The following LDHA variants were observed in gnomAD, a reference collection of about 807,000 sequenced individuals.
The protein encoded by LDHA is lactate dehydrogenase A.
LDHA carries 10 observed loss-of-function variants against 36.3 expected under a neutral mutation model. The ratio of observed to expected loss-of-function variants is 0.28; its 90% confidence interval spans 0.17 to 0.47. The LOEUF (loss-of-function observed/expected upper bound fraction) is 0.47. Ranked by LOEUF, LDHA falls within the 20% of genes least tolerant of loss-of-function variation. The pLI, the probability that LDHA is intolerant of heterozygous loss-of-function variation, is 0.99. For missense variants in LDHA, 267 were observed against 405.8 expected (o/e 0.66, Z 2.94); for synonymous variants, 110 against 136.7 (o/e 0.80, Z 1.36).
Position 18,396,551 on chromosome 11 carries a change from G to A in LDHA, c.-24-268G>A. ...CACTTGGGGTTAATAAACCGCGATG[G>A]GTGAACCCTCAGGAGGCTATACTTA... On this transcript the variant is annotated intron_variant, in intron 1 of 7. Coordinates refer to ENST00000422447, the MANE Select transcript of LDHA (RefSeq NM_005566.4). The A allele has an allele frequency of 2.2e-6, 3 of 1,343,368 alleles. 1 individual carries two copies. The highest frequency in any genetic ancestry group is 7.2e-5 in the Admixed American group (2 of 27,680). 83.2% of individuals were successfully genotyped at this position (1,343,368 alleles called of 1,614,324 possible). A position where few individuals can be genotyped will look rare whatever the true frequency, so the allele number is the denominator to read the frequency against.
intron 1 of LDHA, chr11:18,394,873 G>C: frequency 2.8e-6 from 1 of 353,160 alleles, no homozygotes; most frequent in Non-Finnish European, 5.6e-6. Flanking sequence ...TGGCCACGCT[G>C]GGGAACCGAG....
intron 1 of LDHA, 91 bp downstream of exon 1, chr11:18,394,727 G>T (rs1191899150): frequency 1.8e-5 from 8 of 447,744 alleles, no homozygotes; most frequent in Admixed American, 2.4e-5. Flanking sequence ...GCTCGCGAAG[G>T]GATTCCTGCT....
chr11:18,406,122 C>T (rs914167763), intron 7 of LDHA, among the ~76,000 whole-genome samples: 4 of 152,098 alleles, frequency 2.6e-5, no homozygotes, highest in East Asian at 1.9e-4. Flanking sequence ...CGTGCCACCA[C>T]GCCCGGCTAC....
chr11:18,401,955 CTTT>C (rs1554961218), intron 4 of LDHA, among the ~76,000 whole-genome samples: 7 of 52,256 alleles, frequency 1.3e-4, no homozygotes, highest in African/African-American at 1.8e-4. Context: ...TTGTTATTCT[CTTT>C]TTTTTTTTTT....
chr11:18,403,927 GT>G (rs1012461230), intron 6 of LDHA, 116 bp downstream of exon 6: 3 of 728,240 alleles, frequency 4.1e-6, no homozygotes, highest in Middle Eastern at 3.0e-4. Flanking sequence ...AACTTGTGTG[GT>G]TTTTTTGTTT....
intron 2 of LDHA, among the ~76,000 whole-genome samples, chr11:18,397,621 C>A (rs765920362): frequency 7.9e-5 from 12 of 152,048 alleles, no homozygotes; most frequent in Non-Finnish European, 1.3e-4. Flanking sequence ...ACCATCCTGG[C>A]TAACACGATG....
At chr11:18,396,259 T>C (rs778636606) in intron 1 of LDHA, 7 of 342,094 alleles carry the variant, frequency 2.0e-5, no homozygotes, top group African/African-American at 2.1e-5. Context: ...CCGCCCATCT[T>C]CCGGACTTGG....
At chr11:18,395,705 G>C (rs1866269812) in intron 1 of LDHA, among the ~76,000 whole-genome samples, 1 of 152,214 alleles carries the variant, frequency 6.6e-6, no homozygotes, top group Non-Finnish European at 1.5e-5. Flanking sequence ...TGGGGATGCA[G>C]CCTGTGATAT....
rs1178937061 is a variant in LDHA, at chr11:18,407,751, C to T, written c.*470C>T. ...TTTTGTGAACTATATCAGTAGTGTA[C>T]ATTACCATATAATGTAAAAAGATCT... On this transcript the variant is annotated 3_prime_UTR_variant, in exon 8 of 8. Coordinates refer to ENST00000422447, the MANE Select transcript of LDHA (RefSeq NM_005566.4). 2.2e-6 allele frequency: 1 copy of T among 463,510 alleles called. No individual in the cohort carries two copies. The highest frequency in any genetic ancestry group is 4.3e-6 in the Non-Finnish European group (1 of 233,376). 28.7% of individuals were successfully genotyped at this position (463,510 alleles called of 1,614,324 possible).
intron 1 of LDHA, chr11:18,396,562 AG>A: frequency 7.3e-7 from 1 of 1,366,076 alleles, no homozygotes. Context: ...GTGAACCCTC[AG>A]GAGGCTATAC....
chr11:18,402,959 G>T lies in LDHA; in HGVS notation c.538G>T (p.Val180Phe), dbSNP rs200586792. ...FRYLMGERLG[V>F]HPLSCHGWVL... The stretch of plus-strand genomic sequence containing the variant: ...TTACCTAATGGGGGAAAGGCTGGGA[G>T]TTCACCCATTAAGCTGTCATGGGTG... The change falls in exon 5 of 8, where the codon GTT (valine) becomes TTT (phenylalanine). Residue 180 changes from valine to phenylalanine, a missense_variant. Physicochemically the swap from Val to Phe is conservative, Grantham distance 50. Transcript: ENST00000422447. The T allele has an allele frequency of 6.2e-7, 1 of 1,612,478 alleles. No homozygotes were observed. The highest frequency in any genetic ancestry group is 8.5e-7 in the Non-Finnish European group (1 of 1,178,478).
chr11:18,407,090 ATT>A, intron 7 of LDHA, 25 bp from the exon 8 acceptor site: 4 of 1,452,524 alleles, frequency 2.8e-6, no homozygotes, highest in African/African-American at 1.4e-5. Context: ...AAAATGTGAG[ATT>A]TTTTTTTTTT....
At chr11:18,403,050 A>G (rs1866560909) in intron 5 of LDHA, 37 bp downstream of exon 5, 2 of 1,568,930 alleles carry the variant, frequency 1.3e-6, no homozygotes, top group Non-Finnish European at 1.8e-6. Flanking sequence ...TTTTGAAAAG[A>G]TTATATAAAA....
In LDHA at chr11:18,399,467, G is replaced by A. The variant is rs144856598; in HGVS notation, c.163G>A (p.Glu55Lys). ...ADELALVDVI[E>K]DKLKGEMMDL... is the part of the protein sequence containing the mutation. ...TGAACTTGCTCTTGTTGATGTCATC[G>A]AAGACAAATTGAAGGGAGAGATGAT... Residue 55 changes from glutamate to lysine, a missense_variant, in exon 3 of 8, where the codon GAA becomes AAA. Coordinates refer to ENST00000422447, the MANE Select transcript of LDHA (RefSeq NM_005566.4). The A allele has an allele frequency of 6.2e-6, 10 of 1,613,398 alleles. No homozygotes were observed. The Admixed American group carries it at 1.0e-4, about 16-fold the overall frequency.
intron 3 of LDHA, chr11:18,400,621 T>C (rs1866451101): frequency 3.2e-6 from 2 of 629,702 alleles, no homozygotes; most frequent in African/African-American, 1.8e-5. Flanking sequence ...TAAACTTGAT[T>C]TCCTCCAGCT....
At chr11:18,394,745 G>A in intron 1 of LDHA, 109 bp downstream of exon 1, 1 of 442,472 alleles carries the variant, frequency 2.3e-6, no homozygotes, top group Non-Finnish European at 4.6e-6. Context: ...GCTCCCGGGA[G>A]GTGTAGGAGC....
intron 2 of LDHA, 133 bp from the exon 3 acceptor site, chr11:18,399,298 C>G: frequency 2.8e-6 from 2 of 705,368 alleles, no homozygotes. Context: ...GTGCCCTCTA[C>G]TTTGAATATC....
At chr11:18,400,426 CCACCACACACACACA>C (rs1294437716) in intron 3 of LDHA, 35 of 238,852 alleles carry the variant, frequency 1.5e-4, no homozygotes, top group African/African-American at 2.3e-4. Context: ...CCTACCACCA[CCACCACACACACACA>C]CACACACACA....
In LDHA at chr11:18,405,615, T is replaced by C. The variant is rs201008031; in HGVS notation, c.834+43T>C. 2.3e-3 allele frequency: 3,616 copies of C among 1,606,490 alleles called. 9 individuals carry two copies. Among genetic ancestry groups the C allele is most frequent in the Non-Finnish European group, 2.8e-3 (3,274 of 1,173,852 alleles). ...TACGCTGCATTTGAATGCTTTTTGCTGGCTTTTTAAAAAAGATTCTTCTGA... is the reference window on the plus strand; with the variant it reads ...TACGCTGCATTTGAATGCTTTTTGCCGGCTTTTTAAAAAAGATTCTTCTGA... On this transcript the variant is annotated intron_variant, in intron 7 of 7. Coordinates refer to ENST00000422447, the MANE Select transcript of LDHA (RefSeq NM_005566.4).
Sources: allele counts gnomAD v4.1 joint callset (sites outside exome capture counted in the v4.1 genomes callset), GRCh38; gene constraint gnomAD v4.1.1; transcripts MANE v1.5; gene names NCBI Gene and HGNC (gene_info 2026-07-23, HGNC 2026-07-21).